Variants in C10orf71 observed in about 807,000 individuals in gnomAD.
The protein encoded by C10orf71 is chromosome 10 open reading frame 71, also known as cardiac-enriched FHL2-interacting protein.
For missense variants in C10orf71, 1,869 were observed against 1,804.5 expected, an observed-to-expected ratio of 1.04 and a Z score of -0.65; for synonymous variants, 758 against 726.3, an observed-to-expected ratio of 1.04 and a Z score of -0.70.
chr10:49,297,535 C>A (rs1340516458), upstream of C10orf71, among the ~76,000 whole-genome samples: 1 of 152,126 alleles, frequency 6.6e-6, no homozygotes, highest in Non-Finnish European at 1.5e-5. Flanking sequence ...TAGCAAAAAT[C>A]ATGGGAAAAA....
At position 49,324,599 on chromosome 10, in the gene C10orf71, A is replaced by T. The variant is rs1849179728; in HGVS notation, c.2054A>T (p.Glu685Val). The T allele has an allele frequency of 6.2e-7, 1 of 1,613,920 alleles. No homozygotes were observed. Among genetic ancestry groups the T allele is most frequent in the Non-Finnish European group, 8.5e-7 (1 of 1,179,864 alleles). Residue 685 changes from glutamate (E) to valine (V), a missense_variant, in exon 3 of 3, where the codon GAA (glutamate) becomes GTA (valine). Transcript: ENST00000374144. ...SVSQETEPEREAGLQNTHLNQ... is the reference protein window; with the variant it reads ...SVSQETEPERVAGLQNTHLNQ... ...TCCCAAGAGACAGAACCTGAGAGGGAAGCAGGACTTCAGAACACACATTTG... is the reference window on the plus strand; with the variant it reads ...TCCCAAGAGACAGAACCTGAGAGGGTAGCAGGACTTCAGAACACACATTTG...
chr10:49,308,511 C>T (rs375335983), intron 1 of C10orf71, among the ~76,000 whole-genome samples: 4 of 152,178 alleles, frequency 2.6e-5, no homozygotes, highest in Non-Finnish European at 5.9e-5. Context: ...GCCAAAATGG[C>T]CAGACTGGAT....
In C10orf71 at chr10:49,324,182, A is replaced by G. The variant is rs766893593; in HGVS notation, c.1637A>G (p.Asn546Ser). The change falls in exon 3 of 3, where the codon AAT (asparagine) becomes AGT (serine). Residue 546 changes from asparagine to serine, a missense_variant. Asn to Ser is a conservative substitution (Grantham distance 46, BLOSUM62 1). Transcript: ENST00000374144. ...EPVSNGVILP[N>S]GLEESPPNEL... ...GTGAGCAACGGTGTCATCCTCCCCA[A>G]TGGGCTTGAGGAAAGCCCTCCAAAT... 6.8e-5 allele frequency: 110 copies of G among 1,613,910 alleles called. No individual in the cohort carries two copies. Among genetic ancestry groups the G allele is most frequent in the East Asian group, 4.5e-4 (20 of 44,872 alleles).
chr10:49,326,079 G>A lies in C10orf71; in HGVS notation c.3534G>A (p.Glu1178=). The A allele has an allele frequency of 6.4e-7, 1 of 1,551,760 alleles. No individual in the cohort carries two copies. The highest frequency in any genetic ancestry group is 8.7e-7 in the Non-Finnish European group (1 of 1,147,002). Residue 1178 remains glutamate, a synonymous_variant, in exon 3 of 3, where the codon GAG becomes GAA. Coordinates refer to ENST00000374144, the MANE Select transcript of C10orf71 (RefSeq NM_001135196.2). ...CACCTGCAGTCCCACCCAAAACAGA[G>A]AAAGCCCTGCGGCGGGCAAAGAAGC... ...SKPPAVPPKT[E]KALRRAKKLA... is the part of the protein sequence containing the mutation.
chr10:49,310,773 G>A (rs1848896428), intron 1 of C10orf71, among the ~76,000 whole-genome samples: 1 of 121,776 alleles, frequency 8.2e-6, no homozygotes, highest in African/African-American at 3.1e-5. Flanking sequence ...CCCTCAGGTA[G>A]CCAGATGATG....
Position 49,324,347 on chromosome 10 carries a change from C to A in C10orf71, c.1802C>A (p.Pro601His), listed in dbSNP as rs1191236673. Reference protein sequence around the residue: ...LSTAPTIAKAPFYVNGEAAER... With the variant: ...LSTAPTIAKAHFYVNGEAAER... Reference sequence around the variant, plus strand: ...ACAGCTCCGACTATCGCCAAAGCCCCCTTCTATGTCAATGGGGAGGCTGCT... The same window carrying A: ...ACAGCTCCGACTATCGCCAAAGCCCACTTCTATGTCAATGGGGAGGCTGCT... The change falls in exon 3 of 3, where the codon CCC (proline) becomes CAC (histidine). Residue 601 changes from proline to histidine, a missense_variant. Physicochemically the swap from Pro to His is moderately conservative, Grantham distance 77. Coordinates refer to ENST00000374144, the MANE Select transcript of C10orf71 (RefSeq NM_001135196.2). 5 of 1,613,746 alleles carry A rather than the reference C, an allele frequency of 3.1e-6. No homozygotes were observed. The highest frequency in any genetic ancestry group is 3.3e-5 in the Admixed American group (2 of 59,976).
At chr10:49,303,369 T>G (rs1481203522) in intron 1 of C10orf71, among the ~76,000 whole-genome samples, 4 of 152,146 alleles carry the variant, frequency 2.6e-5, no homozygotes, top group African/African-American at 4.8e-5. Context: ...AGGGCAGACA[T>G]GGCACAAACC....
Position 49,326,771 on chromosome 10 carries a change from G to A in C10orf71, c.4226G>A (p.Gly1409Glu), listed in dbSNP as rs569147976. The A allele has an allele frequency of 1.3e-6, 2 of 1,551,104 alleles. No individual in the cohort carries two copies. Among genetic ancestry groups the A allele is most frequent in the East Asian group, 2.4e-5 (1 of 40,902 alleles). Reference protein sequence around the residue: ...QRPHGPPQSPGEEGVEAPGLG... With the variant: ...QRPHGPPQSPEEEGVEAPGLG... ...CCTCATGGTCCTCCCCAGAGCCCAG[G>A]AGAGGAGGGTGTAGAAGCTCCAGGC... is the stretch of plus-strand genomic sequence containing the variant. Residue 1409 changes from glycine to glutamate, a missense_variant, in exon 3 of 3, where the codon GGA (glycine) becomes GAA (glutamate). Coordinates refer to ENST00000374144, the MANE Select transcript of C10orf71 (RefSeq NM_001135196.2).
intron 1 of C10orf71, among the ~76,000 whole-genome samples, chr10:49,304,951 G>A (rs183744473): frequency 2.0e-5 from 3 of 152,232 alleles, no homozygotes; most frequent in African/African-American, 7.2e-5. Context: ...CTTTCCATTT[G>A]CCCCAAGGTC....
intron 1 of C10orf71, among the ~76,000 whole-genome samples, chr10:49,309,526 T>G (rs902381816): frequency 6.6e-6 from 1 of 152,202 alleles, no homozygotes; most frequent in Admixed American, 6.5e-5. Context: ...CCTCCTAGCC[T>G]ATGATATTTT....
rs1376886331 is a variant in C10orf71 at position 49,325,280 on chromosome 10, A to G, written c.2735A>G (p.Asp912Gly). ...DPGFCAPENQ[D>G]ILGTSTPTNT... ...GGGTTTTGTGCCCCCGAAAACCAGG[A>G]CATTCTTGGTACATCGACACCCACT... The change falls in exon 3 of 3, where the codon GAC becomes GGC. Residue 912 changes from aspartate (D) to glycine (G), a missense_variant. By Grantham distance (94) the Asp-to-Gly change is moderately conservative. Coordinates refer to ENST00000374144, the MANE Select transcript of C10orf71 (RefSeq NM_001135196.2). 10 of 1,551,664 alleles carry G rather than the reference A, an allele frequency of 6.4e-6. No homozygotes were observed. Among genetic ancestry groups the G allele is most frequent in the African/African-American group, 1.4e-5 (1 of 73,044 alleles).
At chr10:49,310,284 C>T (rs536604349) in intron 1 of C10orf71, among the ~76,000 whole-genome samples, 13 of 152,298 alleles carry the variant, frequency 8.5e-5, no homozygotes, top group South Asian at 8.3e-4. Context: ...TATTACATGA[C>T]GTGAAAGTGA....
chr10:49,322,989 A>G lies in C10orf71; in HGVS notation c.444A>G (p.Lys148=), dbSNP rs369889132. The change falls in exon 3 of 3, where the codon AAA becomes AAG. Residue 148 remains lysine, a synonymous_variant. Transcript: ENST00000374144. The part of the protein sequence containing the change: ...KPVSKVSTLI[K]SFDRTESQRC... The stretch of plus-strand genomic sequence containing the variant: ...TCTCCAAAGTATCAACACTAATTAA[A>G]TCTTTCGACAGGACCGAGAGCCAAC... 1.2e-6 allele frequency: 2 copies of G among 1,613,828 alleles called. No individual in the cohort carries two copies. Among genetic ancestry groups the G allele is most frequent in the South Asian group, 1.1e-5 (1 of 91,086 alleles).
At position 49,322,420 on chromosome 10, in the gene C10orf71, A is replaced by G; in HGVS notation, c.-126A>G. ...TTTGCAGAGAAAAAAAAAAATCCCC[A>G]CTTTGCAATTGCATCTGGTCAATGA... On this transcript the variant is annotated 5_prime_UTR_variant, in exon 3 of 3. Transcript: ENST00000374144. 1 of 1,186,158 alleles carries G rather than the reference A, an allele frequency of 8.4e-7. No individual in the cohort carries two copies. The highest frequency in any genetic ancestry group is 1.1e-6 in the Non-Finnish European group (1 of 876,924). The allele number at this position is 1,186,158 out of a possible 1,614,324, so 73.5% of individuals were successfully genotyped here. A position where few individuals can be genotyped will look rare whatever the true frequency, so the allele number is the denominator to read the frequency against.
intron 1 of C10orf71, among the ~76,000 whole-genome samples, chr10:49,304,302 T>C (rs1848776814): frequency 1.3e-5 from 2 of 152,218 alleles, no homozygotes; most frequent in Non-Finnish European, 2.9e-5. Flanking sequence ...GAATCCTGGC[T>C]CTGTTGCTCT....
In C10orf71 at chr10:49,324,243, T is replaced by A; in HGVS notation, c.1698T>A (p.Thr566=). The A allele has an allele frequency of 6.2e-7, 1 of 1,613,884 alleles. No homozygotes were observed. Among genetic ancestry groups the A allele is most frequent in the Non-Finnish European group, 8.5e-7 (1 of 1,179,860 alleles). ...AGGAGAGACCCGCTGATGACCCCAC[T>A]GCATCACACATCAATCCCCAGAAGG... The part of the protein sequence containing the change: ...LSKERPADDP[T]ASHINPQKDP... Residue 566 remains threonine (T), a synonymous_variant, in exon 3 of 3, where the codon ACT becomes ACA. Coordinates refer to ENST00000374144, the MANE Select transcript of C10orf71 (RefSeq NM_001135196.2).
chr10:49,319,682 CTATATATATATA>C (rs60174377), intron 2 of C10orf71, among the ~76,000 whole-genome samples: 2,203 of 117,644 alleles, frequency 0.019, 61 homozygotes, highest in African/African-American at 0.031. Flanking sequence ...CACACACAAG[CTATATATATATA>C]TATATATATA....
At position 49,302,042 on chromosome 10, in the gene C10orf71, G is replaced by A. The variant is rs139438551; in HGVS notation, c.-248+2809G>A. Among the ~76,000 whole-genome samples, 392 of 152,322 alleles carry A rather than the reference G, an allele frequency of 2.6e-3. 2 individuals are homozygous for A. The highest frequency in any genetic ancestry group is 3.9e-3 in the Non-Finnish European group (268 of 68,032). On this transcript the variant is annotated intron_variant, in intron 1 of 2. Coordinates refer to ENST00000374144, the MANE Select transcript of C10orf71 (RefSeq NM_001135196.2). The stretch of plus-strand genomic sequence containing the variant: ...TGCTGAGGAGCTGCAAGGATGGCTG[G>A]AGGGAAGGATTTCATCTGGGATATC...
intron 1 of C10orf71, among the ~76,000 whole-genome samples, chr10:49,306,948 T>C (rs1234033310): frequency 6.6e-6 from 1 of 151,836 alleles, no homozygotes; most frequent in Non-Finnish European, 1.5e-5. Flanking sequence ...GGTGCAAGGG[T>C]AAGAAGGATG....
Sources: allele counts gnomAD v4.1 joint callset (sites outside exome capture counted in the v4.1 genomes callset), GRCh38; gene constraint gnomAD v4.1.1; transcripts MANE v1.5; gene names NCBI Gene and HGNC (gene_info 2026-07-23, HGNC 2026-07-21).